The following FRMD4B variants were observed in gnomAD, a reference collection of about 807,000 sequenced individuals.
FRMD4B encodes FERM domain-containing protein 4B.
In FRMD4B, 74 loss-of-function variants were observed where a neutral mutation model predicts 141.5. The ratio of observed to expected loss-of-function variants is 0.52; its 90% CI spans 0.43 to 0.63. FRMD4B has a LOEUF of 0.63. Ranked by LOEUF, FRMD4B falls within the 30% of genes least tolerant of loss-of-function variation. The probability of loss-of-function intolerance (pLI) is 0.00; values close to 1 mark genes in which losing one functional copy is unlikely to be tolerated. For synonymous variants in FRMD4B, 506 were observed against 467.9 expected (o/e 1.08, Z -1.05); for missense variants, 1,366 against 1,253.4 (o/e 1.09, Z -1.36).
At chr3:69,260,678 C>G (rs1009302934) in intron 5 of FRMD4B, among the ~76,000 whole-genome samples, 1 of 152,232 alleles carries the variant, frequency 6.6e-6, no homozygotes, top group South Asian at 2.1e-4. Context: ...GCCCGCAGCC[C>G]CAGCACGGGA....
At chr3:69,290,640 A>G (rs1700842769) in intron 4 of FRMD4B, among the ~76,000 whole-genome samples, 1 of 152,224 alleles carries the variant, frequency 6.6e-6, no homozygotes, top group Non-Finnish European at 1.5e-5. Context: ...TAAGGGCGGC[A>G]GCAGGATCCC....
intron 1 of FRMD4B, among the ~76,000 whole-genome samples, chr3:69,380,369 C>T (rs1427856983): frequency 1.3e-5 from 2 of 152,138 alleles, no homozygotes; most frequent in African/African-American, 4.8e-5. Flanking sequence ...GAACTAGTCT[C>T]ACCTATAAAA....
intron 1 of FRMD4B, among the ~76,000 whole-genome samples, chr3:69,449,995 C>A (rs1313106867): frequency 2.0e-5 from 3 of 152,156 alleles, no homozygotes; most frequent in Admixed American, 2.0e-4. Context: ...ACTTTACCTT[C>A]CTCAGCCTCA....
chr3:69,292,828 TTTTTG>T, intron 4 of FRMD4B: 1 of 202,004 alleles, frequency 5.0e-6, no homozygotes, highest in Non-Finnish European at 1.0e-5. Context: ...TTTTTTTTTT[TTTTTG>T]CAAAAGGATA....
At position 69,170,186 on chromosome 3, in the gene FRMD4B, C is replaced by T. The variant is rs1418879505; in HGVS notation, c.*1675G>A. ...TATAAATAAAAATCCGAAGCCTTGC[C>T]CAATATGATTACTTGAAGTAGAGCA... is the stretch of plus-strand genomic sequence containing the variant. On this transcript the variant is annotated 3_prime_UTR_variant, in exon 23 of 23. Coordinates refer to ENST00000398540, the MANE Select transcript of FRMD4B (RefSeq NM_015123.3). The T allele has an allele frequency of 6.6e-6, 1 of 152,066 alleles. No individual in the cohort carries two copies. The highest frequency in any genetic ancestry group is 2.4e-5 in the African/African-American group (1 of 41,394). The allele number at this position is 152,066 out of a possible 1,614,324, so 9.4% of individuals were successfully genotyped here.
chr3:69,190,776 G>T (rs1437340487), intron 17 of FRMD4B, among the ~76,000 whole-genome samples: 1 of 152,168 alleles, frequency 6.6e-6, no homozygotes, highest in Non-Finnish European at 1.5e-5. Context: ...ATAATCCTTT[G>T]TCCTGGGGAG....
chr3:69,469,981 G>A (rs1705861174), intron 1 of FRMD4B, among the ~76,000 whole-genome samples: 1 of 152,146 alleles, frequency 6.6e-6, no homozygotes, highest in African/African-American at 2.4e-5. Context: ...TTCTCTGTGG[G>A]ACAGAATCAG....
rs565929459 is a variant in FRMD4B, at chr3:69,450,518, C to T, written c.-128-17757G>A. ...CACTAATCCCAGCACTTTGGGCGGC[C>T]AAGGCAGGCAGATCACCTGAGGTCA... is the stretch of plus-strand genomic sequence containing the variant. On this transcript the variant is annotated intron_variant, in intron 1 of 5. Coordinates refer to the FRMD4B transcript ENST00000459638. Among the ~76,000 whole-genome samples, 15 of 152,282 alleles carry T rather than the reference C, an allele frequency of 9.9e-5. No homozygotes were observed. The South Asian group carries it at 2.7e-3, about 27-fold the overall frequency.
At chr3:69,288,742 G>T (rs752142484) in intron 4 of FRMD4B, among the ~76,000 whole-genome samples, 1 of 152,204 alleles carries the variant, frequency 6.6e-6, no homozygotes, top group Non-Finnish European at 1.5e-5. Context: ...CCCCAAGACA[G>T]CTCACTGCTT....
intron 7 of FRMD4B, among the ~76,000 whole-genome samples, chr3:69,230,663 G>A (rs748982354): frequency 1.1e-4 from 17 of 151,678 alleles, no homozygotes; most frequent in Non-Finnish European, 1.9e-4. Flanking sequence ...CAGAAGAATC[G>A]CTTGAACCTG....
intron 7 of FRMD4B, among the ~76,000 whole-genome samples, chr3:69,247,658 CTTTT>C (rs1186562101): frequency 6.6e-6 from 1 of 151,726 alleles, no homozygotes; most frequent in Non-Finnish European, 1.5e-5. Context: ...AGCTAATTTT[CTTTT>C]TTTTGAGACG....
intron 1 of FRMD4B, among the ~76,000 whole-genome samples, chr3:69,433,282 C>T (rs1313032236): frequency 2.0e-5 from 3 of 152,166 alleles, no homozygotes; most frequent in Admixed American, 1.3e-4. Flanking sequence ...AAGATATCCT[C>T]ATTTATATGT....
chr3:69,294,768 T>G (rs903750659), intron 4 of FRMD4B, among the ~76,000 whole-genome samples: 2 of 152,146 alleles, frequency 1.3e-5, no homozygotes, highest in African/African-American at 4.8e-5. Context: ...TCCAAGTGCT[T>G]GCCTCTCCTC....
chr3:69,260,197 A>G (rs913195899), intron 5 of FRMD4B, among the ~76,000 whole-genome samples: 11 of 152,208 alleles, frequency 7.2e-5, no homozygotes, highest in Non-Finnish European at 2.9e-5. Context: ...CCACCGCTGC[A>G]CTGTAGGAGC....
In FRMD4B at chr3:69,385,974, T is replaced by C; in HGVS notation, c.16A>G (p.Met6Val). 1 of 1,599,838 alleles carries C rather than the reference T, an allele frequency of 6.3e-7. No individual in the cohort carries two copies. The highest frequency in any genetic ancestry group is 8.5e-7 in the Non-Finnish European group (1 of 1,172,922). Residue 6 changes from methionine to valine, a missense_variant, in exon 1 of 23, where the codon ATG becomes GTG. Met to Val is a conservative substitution (Grantham distance 21, BLOSUM62 1). Coordinates refer to ENST00000398540, the MANE Select transcript of FRMD4B (RefSeq NM_015123.3). ...AACAGCAGGTCCTCCACGCCACACA[T>C]GAACACCGAAGCCATGCCTCCTCCT... MASVF[M>V]CGVEDLLFSG... is the part of the protein sequence containing the mutation.
intron 7 of FRMD4B, among the ~76,000 whole-genome samples, chr3:69,236,756 G>A (rs769503999): frequency 6.6e-6 from 1 of 152,164 alleles, no homozygotes; most frequent in Non-Finnish European, 1.5e-5. Context: ...CTCTGTTACT[G>A]TTAGGGTATA....
chr3:69,433,533 C>A (rs912241745), intron 1 of FRMD4B, among the ~76,000 whole-genome samples: 1 of 152,146 alleles, frequency 6.6e-6, no homozygotes, highest in African/African-American at 2.4e-5. Context: ...ACCACCTGCC[C>A]CTCCACTCCC....
intron 1 of FRMD4B, among the ~76,000 whole-genome samples, chr3:69,512,331 A>C (rs1180235541): frequency 2.0e-5 from 3 of 152,190 alleles, no homozygotes; most frequent in Non-Finnish European, 4.4e-5. Context: ...GAAGAAAGCC[A>C]ACACTTTCTT....
In FRMD4B at chr3:69,221,190, T is replaced by C. The variant is rs141804494; in HGVS notation, c.731+668A>G. Among the ~76,000 whole-genome samples the C allele has an allele frequency of 6.7e-3, 1,023 of 152,240 alleles. 4 individuals are homozygous for C. Among genetic ancestry groups the C allele is most frequent in the Middle Eastern group, 0.037 (11 of 294 alleles). The stretch of plus-strand genomic sequence containing the variant: ...GTTGGCCAGGCTGGCATCGAACCTC[T>C]GATCTCAAATGATCCGCCCTCCTCA... On this transcript the variant is annotated intron_variant, in intron 9 of 22. Coordinates refer to ENST00000398540, the MANE Select transcript of FRMD4B (RefSeq NM_015123.3).
Sources: allele counts gnomAD v4.1 joint callset (sites outside exome capture counted in the v4.1 genomes callset), GRCh38; gene constraint gnomAD v4.1.1; transcripts MANE v1.5; gene names NCBI Gene and HGNC (gene_info 2026-07-23, HGNC 2026-07-21).